Variants in CLCN6 observed in about 807,000 individuals in gnomAD.
CLCN6 encodes Cl-/H+ antiporter 6.
In CLCN6, 70 loss-of-function variants were observed where a neutral mutation model predicts 109.8. That is an observed-to-expected ratio of 0.64 (90% confidence interval 0.53 to 0.78). The LOEUF is 0.78. CLCN6 is among the 30% of genes least tolerant of loss of function. The pLI is 0.00. For synonymous variants in CLCN6, 444 were observed against 447.8 expected (o/e 0.99, Z 0.11); for missense variants, 984 against 1,142.3 (o/e 0.86, Z 2.00).
At chr1:11,829,406 T>C (rs1644853143) in intron 13 of CLCN6, 84 bp downstream of exon 13, 1 of 1,515,902 alleles carries the variant, frequency 6.6e-7, no homozygotes, top group Admixed American at 1.7e-5. Context: ...TGAGAACTAA[T>C]AGATATGTTG....
At chr1:11,820,199 T>C (rs1206505370) in intron 5 of CLCN6, among the ~76,000 whole-genome samples, 1 of 152,208 alleles carries the variant, frequency 6.6e-6, no homozygotes, top group Admixed American at 6.5e-5. Flanking sequence ...CACATCTCTG[T>C]AGTCCCAGCT....
chr1:11,813,582 G>A (rs1424813754), intron 2 of CLCN6, among the ~76,000 whole-genome samples: 1 of 152,008 alleles, frequency 6.6e-6, no homozygotes, highest in Non-Finnish European at 1.5e-5. Context: ...GTAGAGACGG[G>A]GTTTCGCCAT....
At chr1:11,821,994 G>C (rs568031891) in intron 5 of CLCN6, among the ~76,000 whole-genome samples, 1 of 152,174 alleles carries the variant, frequency 6.6e-6, no homozygotes, top group Non-Finnish European at 1.5e-5. Context: ...TACAAGTGCC[G>C]TGTACAACAG....
chr1:11,816,761 A>G, intron 4 of CLCN6, 81 bp downstream of exon 4: 2 of 953,494 alleles, frequency 2.1e-6, no homozygotes, highest in South Asian at 1.6e-5. Context: ...GGTGAATAAC[A>G]TTGTCATTTG....
chr1:11,834,618 A>C lies in CLCN6; in HGVS notation c.1793+28A>C. 6.3e-7 allele frequency: 1 copy of C among 1,574,934 alleles called. No homozygotes were observed. Among genetic ancestry groups the C allele is most frequent in the Non-Finnish European group, 8.7e-7 (1 of 1,144,876 alleles). The stretch of plus-strand genomic sequence containing the variant: ...AAGGCCATGATTTTGCTCATGTCCT[A>C]GTTTCAGAATGTATAAGCTCTGAGG... On this transcript the variant is annotated intron_variant, in intron 17 of 22. Transcript: ENST00000346436. The surrounding 1 kb of genome is among the most constrained non-coding windows in gnomAD (Gnocchi z 4.5).
chr1:11,839,053 G>T, intron 22 of CLCN6: 1 of 598,610 alleles, frequency 1.7e-6, no homozygotes. Flanking sequence ...AGTAATTATT[G>T]CTGCAGACTT....
intron 17 of CLCN6, 35 bp from the exon 18 acceptor site, chr1:11,835,932 G>A: frequency 6.3e-7 from 1 of 1,597,916 alleles, no homozygotes; most frequent in Non-Finnish European, 8.5e-7. Flanking sequence ...TGCGGGCACT[G>A]TCATGAGGCT....
At position 11,842,423 on chromosome 1, in the gene CLCN6, C is replaced by G. The variant is rs1441293543; in HGVS notation, c.*2200C>G. ...GGCACGTGGTTTCCTTTTCTCCTCT[C>G]TCTGCATCTGCGCTTTCCAGATAAG... On this transcript the variant is annotated 3_prime_UTR_variant, in exon 23 of 23. Transcript: ENST00000346436. 6.5e-6 allele frequency: 1 copy of G among 152,742 alleles called. No homozygotes were observed. The highest frequency in any genetic ancestry group is 1.5e-5 in the Non-Finnish European group (1 of 68,078). The allele number at this position is 152,742 out of a possible 1,614,324, so 9.5% of individuals were successfully genotyped here.
intron 2 of CLCN6, among the ~76,000 whole-genome samples, chr1:11,810,469 G>A (rs1315678723): frequency 1.3e-5 from 2 of 152,186 alleles, no homozygotes; most frequent in African/African-American, 4.8e-5. Flanking sequence ...ACAACCAGTT[G>A]AAGGTGGTTT....
intron 17 of CLCN6, 43 bp from the exon 18 acceptor site, chr1:11,835,924 C>T (rs768376471): frequency 1.5e-5 from 23 of 1,575,024 alleles, no homozygotes; most frequent in Non-Finnish European, 1.6e-5. Context: ...CAGGGGCCTG[C>T]GGGCACTGTC....
At chr1:11,826,285 A>C in intron 9 of CLCN6, 71 bp downstream of exon 9, 1 of 1,260,286 alleles carries the variant, frequency 7.9e-7, no homozygotes, top group Non-Finnish European at 1.2e-6. Flanking sequence ...CAGACTCGAC[A>C]CTTGCTCTAG....
intron 2 of CLCN6, among the ~76,000 whole-genome samples, chr1:11,810,410 A>C (rs1644582540): frequency 6.6e-6 from 1 of 152,138 alleles, no homozygotes; most frequent in Non-Finnish European, 1.5e-5. Context: ...AGAACGTAAG[A>C]CTTAGAATTA....
intron 12 of CLCN6, 65 bp from the exon 13 acceptor site, chr1:11,829,131 G>T: frequency 6.3e-7 from 1 of 1,591,842 alleles, no homozygotes; most frequent in Non-Finnish European, 8.6e-7. Context: ...GCAGGGTTAT[G>T]TTTTGAATTT....
chr1:11,811,405 G>A (rs1177919984), intron 2 of CLCN6, among the ~76,000 whole-genome samples: 5 of 147,740 alleles, frequency 3.4e-5, no homozygotes, highest in Non-Finnish European at 1.5e-5. Context: ...TTTTTGAGAC[G>A]GAGTTTCGCT....
rs1234653309 is a variant in CLCN6 at position 11,819,544 on chromosome 1, G to A, written c.336G>A (p.Val112=). ...TCTTCACCCAACTCAAGTTCGGAGT[G>A]GTACAGACATGTATCCTTTTCACGG... ...VRLFTQLKFG[V]VQTSVEECSQ... Residue 112 remains valine, a synonymous_variant, in exon 5 of 23, where the codon GTG becomes GTA. Transcript: ENST00000346436. 1.2e-6 allele frequency: 2 copies of A among 1,614,118 alleles called. No individual in the cohort carries two copies. Among genetic ancestry groups the A allele is most frequent in the Admixed American group, 1.7e-5 (1 of 60,008 alleles).
intron 6 of CLCN6, 26 bp downstream of exon 6, chr1:11,822,827 C>T (rs755292800): frequency 5.5e-6 from 8 of 1,459,724 alleles, no homozygotes; most frequent in East Asian, 2.3e-5. Context: ...TTCACCTGCT[C>T]GCTTAGGAGG....
At chr1:11,813,688 GC>G (rs1339256966) in intron 2 of CLCN6, among the ~76,000 whole-genome samples, 1 of 152,266 alleles carries the variant, frequency 6.6e-6, no homozygotes, top group Non-Finnish European at 1.5e-5. Context: ...ATCACGCCCA[GC>G]CGATCATTTT....
Position 11,836,992 on chromosome 1 carries a change from C to T in CLCN6, c.1981-7C>T. The T allele has an allele frequency of 1.2e-6, 2 of 1,607,458 alleles. No individual in the cohort carries two copies. Among genetic ancestry groups the T allele is most frequent in the East Asian group, 2.2e-5 (1 of 44,882 alleles). On this transcript the variant is annotated splice_region_variant and splice_polypyrimidine_tract_variant and intron_variant, in intron 18 of 22. Coordinates refer to ENST00000346436, the MANE Select transcript of CLCN6 (RefSeq NM_001286.5). ...TGCGCAGTAGCCTGTGGCCTCCCCACCCACAGAAATCCAGCATCCTCACCC... is the reference window on the plus strand; with the variant it reads ...TGCGCAGTAGCCTGTGGCCTCCCCATCCACAGAAATCCAGCATCCTCACCC...
chr1:11,819,324 T>C (rs1465074808), intron 4 of CLCN6, among the ~76,000 whole-genome samples, 164 bp from the exon 5 acceptor site: 2 of 152,204 alleles, frequency 1.3e-5, no homozygotes, highest in Admixed American at 6.5e-5. Context: ...AGAAGGGATC[T>C]CCTCCTTCTG....
Sources: gnomAD v4.1 joint callset for allele counts (sites outside exome capture counted in the v4.1 genomes callset) on GRCh38, gnomAD v4.1.1 for gene constraint, Gnocchi (gnomAD v3.1) non-coding constraint, MANE v1.5 for transcripts, NCBI Gene and HGNC (gene_info 2026-07-23, HGNC 2026-07-21) for gene names.